Variants in LHPP observed in about 807,000 individuals in gnomAD.
LHPP encodes the protein hLHPP.
A neutral mutation model predicts 30.3 loss-of-function variants in LHPP; 24 were observed. The observed-to-expected ratio is 0.79, with a 90% confidence interval of 0.57 to 1.11. LHPP has a LOEUF of 1.11. Among genes scored for constraint, LHPP ranks in the 50% most tolerant of loss-of-function variants. LHPP has a pLI of 0.00. For synonymous variants in LHPP, 150 were observed against 157.1 expected (o/e 0.95, Z 0.34); for missense variants, 356 against 367.2 (o/e 0.97, Z 0.25).
chr10:124,562,511 A>G (rs1948411558), intron 6 of LHPP, among the ~76,000 whole-genome samples: 1 of 152,180 alleles, frequency 6.6e-6, no homozygotes, highest in African/African-American at 2.4e-5. Context: ...AATAGACTGA[A>G]AAGAATGAAC....
chr10:124,553,827 C>G (rs1166705762), intron 6 of LHPP: 5 of 941,164 alleles, frequency 5.3e-6, no homozygotes, highest in Non-Finnish European at 6.3e-6. Context: ...CAGAGACCTC[C>G]CCCGGGCCAG....
intron 6 of LHPP, chr10:124,613,028 T>A (rs1420151390): frequency 1.2e-5 from 7 of 566,310 alleles, no homozygotes; most frequent in Non-Finnish European, 2.2e-5. Flanking sequence ...GGCTCCCCAG[T>A]GGGAGACAGG....
chr10:124,521,199 T>C (rs1006225252), intron 6 of LHPP, among the ~76,000 whole-genome samples: 1 of 152,122 alleles, frequency 6.6e-6, no homozygotes, highest in African/African-American at 2.4e-5. Flanking sequence ...TGCGTGGTGC[T>C]CCCTATGGAT....
chr10:124,604,248 C>T (rs991854786), intron 6 of LHPP, among the ~76,000 whole-genome samples: 3 of 152,214 alleles, frequency 2.0e-5, no homozygotes, highest in Non-Finnish European at 4.4e-5. Context: ...CACTCCGCCA[C>T]CCAGCTACCC....
At chr10:124,489,491 G>C (rs1953448719) in intron 3 of LHPP, among the ~76,000 whole-genome samples, 1 of 152,180 alleles carries the variant, frequency 6.6e-6, no homozygotes, top group Non-Finnish European at 1.5e-5. Context: ...GTCTCGCTCT[G>C]TCACCCAGGC....
At chr10:124,490,113 T>C in intron 3 of LHPP, 1 of 173,364 alleles carries the variant, frequency 5.8e-6, no homozygotes, top group Non-Finnish European at 1.2e-5. Context: ...TGTGGTTGTC[T>C]CTGTCTGTGG....
intron 5 of LHPP, among the ~76,000 whole-genome samples, chr10:124,503,067 C>A (rs1223759773): frequency 6.6e-6 from 1 of 151,420 alleles, no homozygotes; most frequent in African/African-American, 2.4e-5. Context: ...CTTGATAATT[C>A]TTTTATTTTT....
At chr10:124,551,232 A>G (rs11593408) in intron 6 of LHPP, among the ~76,000 whole-genome samples, 21,071 of 151,770 alleles carry the variant, frequency 0.14, 1,903 homozygotes, top group Non-Finnish European at 0.2. Flanking sequence ...CTGATGAGCA[A>G]CTCGCCTGGG....
chr10:124,604,726 T>C (rs1420552553), intron 6 of LHPP, among the ~76,000 whole-genome samples: 1 of 152,248 alleles, frequency 6.6e-6, no homozygotes, highest in East Asian at 1.9e-4. Flanking sequence ...CGTCACCCTC[T>C]GATGCCAGTG....
At chr10:124,538,532 C>T (rs35083594) in intron 6 of LHPP, among the ~76,000 whole-genome samples, 17 of 152,224 alleles carry the variant, frequency 1.1e-4, no homozygotes, top group Non-Finnish European at 2.5e-4. Flanking sequence ...CTCCCTCCCC[C>T]CAAGTGGTGG....
chr10:124,468,696 C>T (rs1362671471), intron 1 of LHPP, among the ~76,000 whole-genome samples: 1 of 152,252 alleles, frequency 6.6e-6, no homozygotes, highest in Non-Finnish European at 1.5e-5. Context: ...TCCGCCCACA[C>T]CAGCGTGCCC....
At chr10:124,603,655 C>A (rs189072245) in intron 6 of LHPP, among the ~76,000 whole-genome samples, 1 of 152,214 alleles carries the variant, frequency 6.6e-6, no homozygotes, top group Non-Finnish European at 1.5e-5. Flanking sequence ...GGTCTCCAAG[C>A]TGGGAGCCTC....
chr10:124,469,589 G>A (rs1159126053), intron 1 of LHPP, among the ~76,000 whole-genome samples: 2 of 151,928 alleles, frequency 1.3e-5, no homozygotes, highest in Admixed American at 6.6e-5. Flanking sequence ...AAATGTTGCC[G>A]AGCCCTCATT....
rs151160523 is a variant in LHPP at position 124,526,065 on chromosome 10, G to A, written c.716+8794G>A. The A allele has an allele frequency of 1.4e-3, 731 of 516,910 alleles. 6 individuals are homozygous for A. Among genetic ancestry groups the A allele is most frequent in the African/African-American group, 0.014 (671 of 48,364 alleles). 32.0% of individuals were successfully genotyped at this position (516,910 alleles called of 1,614,324 possible). A position where few individuals can be genotyped will look rare whatever the true frequency, so the allele number is the denominator to read the frequency against. Reference sequence around the variant, plus strand: ...CCAGGAATTTGCCTCTTGGGAACGTGCAGGTCCCTCGAGGGTCCTGGAAGG... The same window carrying A: ...CCAGGAATTTGCCTCTTGGGAACGTACAGGTCCCTCGAGGGTCCTGGAAGG... On this transcript the variant is annotated intron_variant, in intron 6 of 6. Transcript: ENST00000368842.
intron 5 of LHPP, among the ~76,000 whole-genome samples, chr10:124,499,665 A>G (rs748737855): frequency 1.4e-4 from 21 of 151,768 alleles, no homozygotes; most frequent in Non-Finnish European, 2.5e-4. Flanking sequence ...TAAAAAAAAG[A>G]AAAAAGAAAC....
chr10:124,467,929 CA>C (rs1353879728), intron 1 of LHPP, among the ~76,000 whole-genome samples: 1 of 152,130 alleles, frequency 6.6e-6, no homozygotes, highest in Non-Finnish European at 1.5e-5. Context: ...AGGCTGGTCT[CA>C]AACTCCTGAC....
intron 6 of LHPP, among the ~76,000 whole-genome samples, chr10:124,534,554 C>G (rs1386229787): frequency 6.6e-6 from 1 of 152,234 alleles, no homozygotes; most frequent in African/African-American, 2.4e-5. Flanking sequence ...CATTGACCTG[C>G]CTGGGCCACT....
At chr10:124,540,173 T>C (rs4962379) in intron 6 of LHPP, among the ~76,000 whole-genome samples, 128,835 of 152,136 alleles carry the variant, frequency 0.85, 54,873 homozygotes, top group African/African-American at 0.89. Flanking sequence ...GTCTGTGCGC[T>C]TCGGTGGAGA....
At position 124,610,420 on chromosome 10, in the gene LHPP, T is replaced by A. The variant is rs867554407; in HGVS notation, c.717-2844T>A. Among the ~76,000 whole-genome samples, 196 of 71,962 alleles carry A rather than the reference T, an allele frequency of 2.7e-3. 1 individual carries two copies. The highest frequency in any genetic ancestry group is 0.01 in the Middle Eastern group (1 of 96). The allele number at this position is 71,962 out of a possible 152,430, so 47.2% of individuals were successfully genotyped here. ...AGGGTGCTGGTGGAGCGGGTGAGGG[T>A]GAGGGTGAGGGTGCTGATGCAGCGG... On this transcript the variant is annotated intron_variant, in intron 6 of 6. Transcript: ENST00000368842.
Sources: gnomAD v4.1 joint callset for allele counts (sites outside exome capture counted in the v4.1 genomes callset) on GRCh38, gnomAD v4.1.1 for gene constraint, MANE v1.5 for transcripts, NCBI Gene and HGNC (gene_info 2026-07-23, HGNC 2026-07-21) for gene names.